Variants in PCDHA12 observed in about 807,000 individuals in gnomAD.
PCDHA12 encodes protocadherin alpha-12.
In PCDHA12, 44 loss-of-function variants were observed where a neutral mutation model predicts 60.0. The observed-to-expected ratio is 0.73, with a 90% CI of 0.58 to 0.94. PCDHA12 has a LOEUF of 0.94. Among genes scored for constraint, PCDHA12 ranks in the 40% least tolerant of loss-of-function variants. The pLI, the probability that PCDHA12 is intolerant of heterozygous loss-of-function variation, is 0.00. For missense variants in PCDHA12, 1,276 were observed against 1,239.7 expected (o/e 1.03, Z -0.44); for synonymous variants, 569 against 553.0 (o/e 1.03, Z -0.40).
intron 3 of PCDHA12, among the ~76,000 whole-genome samples, chr5:140,994,353 C>T (rs1321687113): frequency 6.6e-6 from 1 of 152,110 alleles, no homozygotes; most frequent in East Asian, 1.9e-4. Flanking sequence ...TGTGGGACCT[C>T]AGAAGATGGA....
intron 1 of PCDHA12, chr5:140,928,113 G>C: frequency 6.2e-7 from 1 of 1,614,228 alleles, no homozygotes; most frequent in Admixed American, 1.7e-5. Context: ...ACCGGGAGCA[G>C]ATCAGTGAAT....
intron 1 of PCDHA12, among the ~76,000 whole-genome samples, chr5:140,887,239 G>C (rs1248062448): frequency 6.6e-6 from 1 of 151,736 alleles, no homozygotes. Flanking sequence ...TGAGACTACC[G>C]GCGCCCGCCA....
chr5:140,877,357 G>A lies in PCDHA12; in HGVS notation c.1885G>A (p.Gly629Ser). ...CCCGTTCCACGTGGGGCTGTACACT[G>A]GCGAGATCAGCACGACACGCATCCT... ...HIPFHVGLYT[G>S]EISTTRILDE... is the part of the protein sequence containing the mutation. The change falls in exon 1 of 4, where the codon GGC becomes AGC. Residue 629 changes from glycine to serine, a missense_variant. Gly to Ser is a moderately conservative substitution (Grantham distance 56, BLOSUM62 0). Transcript: ENST00000398631. 2 of 1,614,020 alleles carry A rather than the reference G, an allele frequency of 1.2e-6. No homozygotes were observed. Among genetic ancestry groups the A allele is most frequent in the African/African-American group, 2.7e-5 (2 of 75,056 alleles).
At chr5:140,923,142 T>TA (rs1262526439) in intron 1 of PCDHA12, among the ~76,000 whole-genome samples, 1 of 152,006 alleles carries the variant, frequency 6.6e-6, no homozygotes, top group African/African-American at 2.4e-5. Context: ...AGGTGGAATA[T>TA]AAAAAAAATT....
At chr5:140,975,326 G>A (rs901942738) in intron 1 of PCDHA12, among the ~76,000 whole-genome samples, 2 of 152,216 alleles carry the variant, frequency 1.3e-5, no homozygotes, top group Non-Finnish European at 2.9e-5. Flanking sequence ...GTCCCATCCA[G>A]ATGATCTCCC....
chr5:140,927,802 A>G (rs782489417), intron 1 of PCDHA12: 1 of 1,614,030 alleles, frequency 6.2e-7, no homozygotes, highest in African/African-American at 1.3e-5. Flanking sequence ...TCCGCCTGAA[A>G]CGCTCTTGGA....
At chr5:140,983,807 G>GT (rs1418454252) in intron 3 of PCDHA12, among the ~76,000 whole-genome samples, 1 of 152,100 alleles carries the variant, frequency 6.6e-6, no homozygotes, top group East Asian at 1.9e-4. Flanking sequence ...TGTGTAAAAG[G>GT]TTTTTTCCCA....
At chr5:140,981,378 A>G (rs1386165836) in intron 2 of PCDHA12, among the ~76,000 whole-genome samples, 3 of 152,186 alleles carry the variant, frequency 2.0e-5, no homozygotes, top group Non-Finnish European at 4.4e-5. Flanking sequence ...GTTCAAGACC[A>G]GCCTGGTCAA....
intron 1 of PCDHA12, among the ~76,000 whole-genome samples, chr5:140,912,449 A>G (rs2075925716): frequency 6.6e-6 from 1 of 151,398 alleles, no homozygotes; most frequent in South Asian, 2.1e-4. Flanking sequence ...GTGTGCATTG[A>G]TTTTGTATCC....
At chr5:140,992,251 A>G (rs1554252780) in intron 3 of PCDHA12, among the ~76,000 whole-genome samples, 1 of 152,198 alleles carries the variant, frequency 6.6e-6, no homozygotes, top group Non-Finnish European at 1.5e-5. Flanking sequence ...AAGTAGAGCT[A>G]AAGATGAAAG....
chr5:140,920,858 A>AG (rs2079893810), intron 1 of PCDHA12, among the ~76,000 whole-genome samples: 1 of 151,604 alleles, frequency 6.6e-6, no homozygotes, highest in African/African-American at 2.4e-5. Context: ...AAAAAAAAAA[A>AG]CAAACAAACT....
chr5:140,895,668 T>C (rs2065102216), intron 1 of PCDHA12, among the ~76,000 whole-genome samples: 1 of 152,170 alleles, frequency 6.6e-6, no homozygotes, highest in South Asian at 2.1e-4. Flanking sequence ...TGAGAACATG[T>C]AGTATTTGGT....
At chr5:140,950,159 T>C (rs983239055) in intron 1 of PCDHA12, among the ~76,000 whole-genome samples, 3 of 151,972 alleles carry the variant, frequency 2.0e-5, no homozygotes, top group Non-Finnish European at 4.4e-5. Flanking sequence ...AAGCAGTTAT[T>C]ATGTACTTTA....
chr5:140,904,139 A>G lies in PCDHA12; in HGVS notation c.2367+26300A>G, dbSNP rs557435150. On this transcript the variant is annotated intron_variant, in intron 1 of 3. Coordinates refer to ENST00000398631, the MANE Select transcript of PCDHA12 (RefSeq NM_018903.4). ...ATTTTGGTGCACCCATCACCCGAGCAGTATACATTGCACCCAGTTTGTAGT... is the reference window on the plus strand; with the variant it reads ...ATTTTGGTGCACCCATCACCCGAGCGGTATACATTGCACCCAGTTTGTAGT... Among the ~76,000 whole-genome samples, 4 of 152,286 alleles carry G rather than the reference A, an allele frequency of 2.6e-5. No homozygotes were observed. The East Asian group carries it at 7.7e-4, about 29-fold the overall frequency.
intron 1 of PCDHA12, among the ~76,000 whole-genome samples, chr5:140,941,215 C>CTT (rs782548958): frequency 1.2e-4 from 13 of 104,510 alleles, no homozygotes; most frequent in African/African-American, 4.4e-4. Flanking sequence ...TTCTTTCTTC[C>CTT]TTTCTTTCTT....
chr5:140,968,058 G>A lies in PCDHA12; in HGVS notation c.2368-10891G>A, dbSNP rs532963970. On this transcript the variant is annotated intron_variant, in intron 1 of 3. Transcript: ENST00000398631. The stretch of plus-strand genomic sequence containing the variant: ...GTGAGCGGCCCACTGGACCGAGAGC[G>A]GGTGGCTGTCTACAACATCACGGTG... The A allele has an allele frequency of 1.1e-5, 18 of 1,614,088 alleles. No individual in the cohort carries two copies. The highest frequency in any genetic ancestry group is 4.0e-5 in the African/African-American group (3 of 75,026).
Position 141,012,307 on chromosome 5 carries a change from T to G in PCDHA12, c.*2370T>G, listed in dbSNP as rs369179929. ...CATTTTGAATTGGTGCTATTGGTAT[T>G]TCCTCTGTTATTGCTAATAAATGAA... On this transcript the variant is annotated 3_prime_UTR_variant, in exon 4 of 4. Transcript: ENST00000398631. 1 of 153,794 alleles carries G rather than the reference T, an allele frequency of 6.5e-6. No homozygotes were observed. The highest frequency in any genetic ancestry group is 1.5e-5 in the Non-Finnish European group (1 of 68,040). 9.5% of individuals were successfully genotyped at this position (153,794 alleles called of 1,614,324 possible).
intron 1 of PCDHA12, among the ~76,000 whole-genome samples, chr5:140,970,255 A>G (rs155806): frequency 0.089 from 13,563 of 152,250 alleles, 783 homozygotes; most frequent in Middle Eastern, 0.22. Context: ...GACAGTTTCT[A>G]TGGTTTTGAT....
At chr5:140,968,431 G>A in intron 1 of PCDHA12, 1 of 1,613,980 alleles carries the variant, frequency 6.2e-7, no homozygotes, top group Non-Finnish European at 8.5e-7. Context: ...AGGACAAGGG[G>A]AGCCCACCAC....
Sources: gnomAD v4.1 joint callset for allele counts (sites outside exome capture counted in the v4.1 genomes callset) on GRCh38, gnomAD v4.1.1 for gene constraint, MANE v1.5 for transcripts, NCBI Gene and HGNC (gene_info 2026-07-23, HGNC 2026-07-21) for gene names.